The following PLEKHA7 variants were observed in gnomAD, a reference collection of about 807,000 sequenced individuals.
PLEKHA7 encodes pleckstrin homology domain-containing family A member 7.
PLEKHA7 carries 104 observed loss-of-function variants against 170.0 expected under a neutral mutation model. The observed-to-expected ratio is 0.61, with a 90% CI of 0.52 to 0.72. PLEKHA7 has a LOEUF of 0.72. Among genes scored for constraint, PLEKHA7 ranks in the 30% least tolerant of loss-of-function variants. The pLI is 0.00. For missense variants in PLEKHA7, 1,615 were observed against 1,671.7 expected, an observed-to-expected ratio of 0.97 and a Z score of 0.59; for synonymous variants, 648 against 660.8, an observed-to-expected ratio of 0.98 and a Z score of 0.30.
At chr11:16,841,402 T>C in intron 9 of PLEKHA7, 145 bp downstream of exon 9, 1 of 904,340 alleles carries the variant, frequency 1.1e-6, no homozygotes, top group Non-Finnish European at 1.6e-6. Flanking sequence ...GCCTTAGTGT[T>C]TTTGTTTAAT....
At chr11:16,832,080 A>T (rs1023788967) in intron 9 of PLEKHA7, among the ~76,000 whole-genome samples, 4 of 152,192 alleles carry the variant, frequency 2.6e-5, no homozygotes, top group Admixed American at 2.0e-4. Flanking sequence ...CCTGCCTGGG[A>T]TTTAGACTTT....
intron 3 of PLEKHA7, 77 bp from the exon 4 acceptor site, chr11:16,871,259 G>T: frequency 1.8e-6 from 2 of 1,141,018 alleles, no homozygotes; most frequent in Non-Finnish European, 1.3e-6. Flanking sequence ...AGTCAGCAAT[G>T]TCTGGTGACC....
chr11:16,779,085 A>G, intron 26 of PLEKHA7, 65 bp from the exon 27 acceptor site: 12 of 701,840 alleles, frequency 1.7e-5, no homozygotes, highest in South Asian at 1.5e-4. Flanking sequence ...CTGCACACAC[A>G]TGATGGAATG....
intron 3 of PLEKHA7, among the ~76,000 whole-genome samples, chr11:16,915,254 A>T (rs1336787846): frequency 1.3e-5 from 2 of 152,232 alleles, no homozygotes; most frequent in African/African-American, 4.8e-5. Flanking sequence ...TTTTACAGAC[A>T]GGAAAACAGA....
intron 4 of PLEKHA7, among the ~76,000 whole-genome samples, chr11:16,862,021 G>C (rs543223916): frequency 3.9e-5 from 6 of 152,244 alleles, no homozygotes; most frequent in Non-Finnish European, 7.4e-5. Context: ...CTCAGAGAAA[G>C]AGACACACAC....
Position 16,820,839 on chromosome 11 carries a change from T to C in PLEKHA7, c.1344-3517A>G, listed in dbSNP as rs951495746. ...CCTCCATTTACACATAGTCTGCCAT[T>C]CTGGAATGACCCCAAGGTACCAGTG... is the stretch of plus-strand genomic sequence containing the variant. On this transcript the variant is annotated intron_variant, in intron 10 of 26. Transcript: ENST00000531066. Among the ~76,000 whole-genome samples, 3 of 152,064 alleles carry C rather than the reference T, an allele frequency of 2.0e-5. No homozygotes were observed. In the South Asian group the frequency reaches 6.2e-4, roughly 32 times the overall value.
chr11:16,888,150 C>CCGCCCGG (rs1672807719), intron 3 of PLEKHA7, among the ~76,000 whole-genome samples: 1 of 151,990 alleles, frequency 6.6e-6, no homozygotes, highest in African/African-American at 2.4e-5. Flanking sequence ...AGGAGCCCCT[C>CCGCCCGG]CACCCGGCAG....
chr11:16,856,626 T>C (rs1351079172), intron 4 of PLEKHA7, among the ~76,000 whole-genome samples: 1 of 152,198 alleles, frequency 6.6e-6, no homozygotes, highest in African/African-American at 2.4e-5. Flanking sequence ...GGAGCTGCCC[T>C]GGGAGGGCCA....
chr11:16,958,736 GC>G (rs1354924499), intron 3 of PLEKHA7, among the ~76,000 whole-genome samples: 1 of 152,190 alleles, frequency 6.6e-6, no homozygotes, highest in Admixed American at 6.5e-5. Context: ...AAGGAAATAT[GC>G]TAAAATCGTA....
chr11:16,987,052 A>G (rs1368171154), intron 3 of PLEKHA7, among the ~76,000 whole-genome samples: 1 of 152,164 alleles, frequency 6.6e-6, no homozygotes, highest in Non-Finnish European at 1.5e-5. Flanking sequence ...CAATCCATCA[A>G]ATTAATTGCC....
At chr11:16,939,265 T>G (rs949800553) in intron 3 of PLEKHA7, among the ~76,000 whole-genome samples, 3 of 151,918 alleles carry the variant, frequency 2.0e-5, no homozygotes, top group African/African-American at 7.3e-5. Context: ...ATACAAAAAA[T>G]TAGCCAGGTG....
At chr11:16,873,111 A>T (rs1056908110) in intron 3 of PLEKHA7, among the ~76,000 whole-genome samples, 4 of 152,218 alleles carry the variant, frequency 2.6e-5, no homozygotes, top group Non-Finnish European at 5.9e-5. Flanking sequence ...CCTAGTACAG[A>T]GAGTTAAAAT....
chr11:16,888,404 G>C (rs1354642691), intron 3 of PLEKHA7, among the ~76,000 whole-genome samples: 4 of 152,304 alleles, frequency 2.6e-5, no homozygotes, highest in Non-Finnish European at 5.9e-5. Context: ...GAGTAGACGG[G>C]GGGGAAATGT....
intron 13 of PLEKHA7, among the ~76,000 whole-genome samples, chr11:16,810,954 G>A (rs942747559): frequency 6.6e-6 from 1 of 152,114 alleles, no homozygotes; most frequent in Non-Finnish European, 1.5e-5. Flanking sequence ...TCCCTTACAG[G>A]GCCACTTTGG....
intron 3 of PLEKHA7, among the ~76,000 whole-genome samples, chr11:16,913,595 G>A (rs539470008): frequency 5.3e-5 from 8 of 152,354 alleles, no homozygotes; most frequent in Admixed American, 2.0e-4. Flanking sequence ...GCGACAGCAG[G>A]TGAGGATTTA....
chr11:16,819,024 C>T (rs375942951), intron 10 of PLEKHA7, among the ~76,000 whole-genome samples: 1 of 151,652 alleles, frequency 6.6e-6, no homozygotes, highest in South Asian at 2.1e-4. Context: ...AGGATGGTCT[C>T]GATCTCCTGA....
At chr11:16,801,883 C>A in intron 15 of PLEKHA7, 66 bp from the exon 16 acceptor site, 1 of 1,590,632 alleles carries the variant, frequency 6.3e-7, no homozygotes, top group Non-Finnish European at 8.6e-7. Context: ...CCCCATACCA[C>A]ACCAGGAACC....
chr11:16,983,746 C>T (rs1863572622), intron 3 of PLEKHA7, among the ~76,000 whole-genome samples: 1 of 152,192 alleles, frequency 6.6e-6, no homozygotes, highest in South Asian at 2.1e-4. Flanking sequence ...ATTCCCAAGT[C>T]CAATACTCAT....
intron 13 of PLEKHA7, among the ~76,000 whole-genome samples, chr11:16,804,887 T>C (rs1208714894): frequency 6.7e-6 from 1 of 148,738 alleles, no homozygotes; most frequent in Non-Finnish European, 1.5e-5. Flanking sequence ...TCTCCTGCAA[T>C]GCGGGGGGGG....
Sources: gnomAD v4.1 joint callset for allele counts (sites outside exome capture counted in the v4.1 genomes callset) on GRCh38, gnomAD v4.1.1 for gene constraint, MANE v1.5 for transcripts, NCBI Gene and HGNC (gene_info 2026-07-23, HGNC 2026-07-21) for gene names.